The following SORBS3 variants were observed in gnomAD, a reference collection of about 807,000 sequenced individuals.
SORBS3 encodes the protein vinexin.
A neutral mutation model predicts 98.0 loss-of-function variants in SORBS3; 69 were observed. The observed-to-expected ratio is 0.70, with a 90% CI of 0.58 to 0.86. The LOEUF (loss-of-function observed/expected upper bound fraction) is 0.86, where lower values mean the gene tolerates loss of function less well. SORBS3 is among the 40% of genes least tolerant of loss of function. SORBS3 has a pLI of 0.00. For synonymous variants in SORBS3, 394 were observed against 355.4 expected (o/e 1.11, Z -1.22); for missense variants, 954 against 908.5 (o/e 1.05, Z -0.64).
In SORBS3 at chr8:22,574,877, C is replaced by G. The variant is rs11986365; in HGVS notation, c.*149C>G. 2,707 of 757,488 alleles carry G rather than the reference C, an allele frequency of 3.6e-3. 57 individuals carry two copies. In the African/African-American group the frequency reaches 0.04, roughly 11 times the overall value. 46.9% of individuals were successfully genotyped at this position (757,488 alleles called of 1,614,324 possible). On this transcript the variant is annotated 3_prime_UTR_variant, in exon 21 of 21. Transcript: ENST00000240123. ...GACCCCCGCAGCCTTTCCCTCGGAC[C>G]CCCCTCGAAGCCCCCTGGACTGATT...
intron 16 of SORBS3, among the ~76,000 whole-genome samples, chr8:22,568,004 C>T (rs532995175): frequency 7.4e-4 from 113 of 152,170 alleles, no homozygotes; most frequent in African/African-American, 2.5e-3. Context: ...TGCGCCACCA[C>T]GCCCAGATAA....
chr8:22,571,774 G>A lies in SORBS3; in HGVS notation c.1800G>A (p.Leu600=), dbSNP rs1840592654. ...ACTCTCGAGGTCCCAGCCATCCCCT[G>A]GACCTGGGGACCTCCTCTCCTAACA... The part of the protein sequence containing the change: ...LSHSRGPSHP[L]DLGTSSPNTS... The change falls in exon 19 of 21, where the codon CTG becomes CTA. Residue 600 remains leucine, a synonymous_variant. Coordinates refer to ENST00000240123, the MANE Select transcript of SORBS3 (RefSeq NM_005775.5). The A allele has an allele frequency of 6.2e-7, 1 of 1,613,832 alleles. No homozygotes were observed. Among genetic ancestry groups the A allele is most frequent in the Non-Finnish European group, 8.5e-7 (1 of 1,179,944 alleles).
At chr8:22,546,746 CAA>C (rs1840020176) in intron 1 of SORBS3, among the ~76,000 whole-genome samples, 1 of 152,144 alleles carries the variant, frequency 6.6e-6, no homozygotes, top group African/African-American at 2.4e-5. Context: ...CCAAGGCAGC[CAA>C]AGAGGATTTG....
At chr8:22,574,430 C>T (rs77468617) in intron 20 of SORBS3, among the ~76,000 whole-genome samples, 8,319 of 152,030 alleles carry the variant, frequency 0.055, 774 homozygotes, top group African/African-American at 0.19. Context: ...CAGTGTGATG[C>T]ACATTTGTTG....
chr8:22,555,597 C>A (rs1840168382), intron 3 of SORBS3, among the ~76,000 whole-genome samples: 1 of 151,806 alleles, frequency 6.6e-6, no homozygotes, highest in Non-Finnish European at 1.5e-5. Flanking sequence ...TCACTTAAAA[C>A]ACACACACAC....
intron 6 of SORBS3, 182 bp from the exon 7 acceptor site, chr8:22,561,683 T>C (rs1840298822): frequency 4.7e-6 from 3 of 633,582 alleles, no homozygotes; most frequent in Non-Finnish European, 8.6e-6. Context: ...GTAAATGTCG[T>C]AAAGCTCTGA....
In SORBS3 at chr8:22,572,323, T is replaced by G. The variant is rs1840608343; in HGVS notation, c.1848-17T>G. On this transcript the variant is annotated splice_polypyrimidine_tract_variant and intron_variant, in intron 19 of 20. Transcript: ENST00000240123. ...CTCTGGGCCCATTCTCTGGTTGCCA[T>G]GATACGCTTCTCGCAGGTACCGGGC... is the stretch of plus-strand genomic sequence containing the variant. The G allele has an allele frequency of 6.2e-7, 1 of 1,609,808 alleles. No homozygotes were observed. The highest frequency in any genetic ancestry group is 1.7e-5 in the Admixed American group (1 of 59,996).
At chr8:22,571,339 G>T in intron 18 of SORBS3, 118 bp downstream of exon 18, 1 of 653,340 alleles carries the variant, frequency 1.5e-6, no homozygotes, top group African/African-American at 1.8e-5. Flanking sequence ...TAGGAGTGGG[G>T]TGACAGGGCA....
In SORBS3 at chr8:22,564,493, C is replaced by G. The variant is rs1340777324; in HGVS notation, c.788C>G (p.Pro263Arg). ...QRPKKPLVDD[P>R]GEKPSQPIEV... ...CCCAAGAAACCGCTGGTGGACGACCCTGGTGAGAAGCCCTCCCAGCCCATT... is the reference window on the plus strand; with the variant it reads ...CCCAAGAAACCGCTGGTGGACGACCGTGGTGAGAAGCCCTCCCAGCCCATT... Residue 263 changes from proline (P) to arginine (R), a missense_variant, in exon 10 of 21, where the codon CCT (proline) becomes CGT (arginine). By Grantham distance (103) the Pro-to-Arg change is moderately radical (BLOSUM62 -2). Transcript: ENST00000240123. The G allele has an allele frequency of 3.1e-6, 5 of 1,614,004 alleles. No individual in the cohort carries two copies. Among genetic ancestry groups the G allele is most frequent in the Non-Finnish European group, 8.5e-7 (1 of 1,180,026 alleles).
At chr8:22,562,309 G>C (rs958736914) in intron 7 of SORBS3, among the ~76,000 whole-genome samples, 23 of 152,346 alleles carry the variant, frequency 1.5e-4, no homozygotes, top group African/African-American at 5.3e-4. Context: ...CTTGGACCTG[G>C]CGCTGTCCAC....
At chr8:22,563,897 G>A in intron 7 of SORBS3, 90 bp from the exon 8 acceptor site, 2 of 970,612 alleles carry the variant, frequency 2.1e-6, no homozygotes, top group Admixed American at 1.7e-5. Context: ...CCCCACAGCA[G>A]GGACAAGGGC....
chr8:22,575,241 G>C lies in SORBS3; in HGVS notation c.*513G>C. On this transcript the variant is annotated 3_prime_UTR_variant, in exon 21 of 21. Transcript: ENST00000240123. ...TGGGTGTGGGGGGGCGGAGCAAGGCGGGGGACAGACGCAGCACCTTCTTAG... is the reference window on the plus strand; with the variant it reads ...TGGGTGTGGGGGGGCGGAGCAAGGCCGGGGACAGACGCAGCACCTTCTTAG... 2 of 315,060 alleles carry C rather than the reference G, an allele frequency of 6.3e-6. No individual in the cohort carries two copies. Among genetic ancestry groups the C allele is most frequent in the Non-Finnish European group, 1.3e-5 (2 of 159,868 alleles). The allele number at this position is 315,060 out of a possible 1,614,324, so 19.5% of individuals were successfully genotyped here.
intron 17 of SORBS3, 91 bp downstream of exon 17, chr8:22,569,364 A>T: frequency 5.3e-6 from 6 of 1,126,090 alleles, no homozygotes; most frequent in Non-Finnish European, 6.0e-6. Context: ...TTTTTGAGAC[A>T]GAGTCTCACT....
At chr8:22,546,296 C>T (rs1840015397) in intron 1 of SORBS3, among the ~76,000 whole-genome samples, 1 of 152,046 alleles carries the variant, frequency 6.6e-6, no homozygotes, top group African/African-American at 2.4e-5. Context: ...CCTGTATTTC[C>T]TGGTGGAGGT....
In SORBS3 at chr8:22,551,960, C is replaced by T. The variant is rs909962525; in HGVS notation, c.-118C>T. On this transcript the variant is annotated 5_prime_UTR_variant, in exon 1 of 21. Coordinates refer to ENST00000240123, the MANE Select transcript of SORBS3 (RefSeq NM_005775.5). This position sits in a 1 kb window ranked among gnomAD's most constrained non-coding sequence, Gnocchi z 5.8. ...TCGAGCGCCCGCGCCAGGCAGCAGC[C>T]GGGCAGGGATGCTCCTGCGCTCCCG... is the stretch of plus-strand genomic sequence containing the variant. The T allele has an allele frequency of 9.7e-5, 96 of 985,334 alleles. No homozygotes were observed. The highest frequency in any genetic ancestry group is 1.1e-4 in the Non-Finnish European group (94 of 830,016). The allele number at this position is 985,334 out of a possible 1,614,324, so 61.0% of individuals were successfully genotyped here.
In SORBS3 at chr8:22,560,662, C is replaced by G. The variant is rs150101558; in HGVS notation, c.479-673C>G. 1.8e-3 allele frequency among the ~76,000 whole-genome samples: 274 copies of G among 152,094 alleles called. 1 individual carries two copies. The highest frequency in any genetic ancestry group is 6.1e-3 in the African/African-American group (253 of 41,488). On this transcript the variant is annotated intron_variant, in intron 5 of 20. Coordinates refer to ENST00000240123, the MANE Select transcript of SORBS3 (RefSeq NM_005775.5). ...GTGGTTGGGCAGTGGTGAGCAAAAGCCTGTTTAGGGAGACGGGGAGTAGGG... is the reference window on the plus strand; with the variant it reads ...GTGGTTGGGCAGTGGTGAGCAAAAGGCTGTTTAGGGAGACGGGGAGTAGGG...
intron 3 of SORBS3, 126 bp from the exon 4 acceptor site, chr8:22,556,589 C>A: frequency 1.3e-6 from 1 of 792,584 alleles, no homozygotes. Context: ...GTCATCCACT[C>A]AAACAAACAA....
At position 22,574,677 on chromosome 8, in the gene SORBS3, G is replaced by A; in HGVS notation, c.1965G>A (p.Arg655=). ...CCTTTCCTCTTTCAGGTGTCTCCCGGAGGACCCAGAAATTCGGAACGTTCC... is the reference window on the plus strand; with the variant it reads ...CCTTTCCTCTTTCAGGTGTCTCCCGAAGGACCCAGAAATTCGGAACGTTCC... The part of the protein sequence containing the change: ...CDDGWFVGVS[R]RTQKFGTFPG... The change falls in exon 21 of 21, where the codon CGG becomes CGA. Residue 655 remains arginine (R), a synonymous_variant. Coordinates refer to ENST00000240123, the MANE Select transcript of SORBS3 (RefSeq NM_005775.5). The A allele has an allele frequency of 6.2e-7, 1 of 1,612,430 alleles. No homozygotes were observed. Among genetic ancestry groups the A allele is most frequent in the Non-Finnish European group, 8.5e-7 (1 of 1,179,208 alleles).
At chr8:22,566,096 G>C (rs1408529229) in intron 12 of SORBS3, 1 of 569,068 alleles carries the variant, frequency 1.8e-6, no homozygotes, top group Non-Finnish European at 2.7e-6. Flanking sequence ...GGTCGCGGCC[G>C]CCGGGGGCGC....
Sources: allele counts gnomAD v4.1 joint callset (sites outside exome capture counted in the v4.1 genomes callset), GRCh38; gene constraint gnomAD v4.1.1; non-coding constraint Gnocchi (gnomAD v3.1); transcripts MANE v1.5; gene names NCBI Gene and HGNC (gene_info 2026-07-23, HGNC 2026-07-21).